Variants in CUL5 observed in about 807,000 individuals in gnomAD.
CUL5 encodes the protein cullin 5.
In CUL5, 26 loss-of-function variants were observed where a neutral mutation model predicts 108.8. The observed-to-expected ratio is 0.24, with a 90% CI of 0.18 to 0.33. The LOEUF is 0.33. Ranked by LOEUF, CUL5 falls within the 10% of genes least tolerant of loss-of-function variation. CUL5 has a pLI of 1.00. For missense variants in CUL5, 524 were observed against 909.2 expected, an observed-to-expected ratio of 0.58 and a Z score of 5.45; for synonymous variants, 334 against 298.0, an observed-to-expected ratio of 1.12 and a Z score of -1.25.
At chr11:108,080,338 C>T (rs1224366393) in intron 11 of CUL5, among the ~76,000 whole-genome samples, 3 of 152,112 alleles carry the variant, frequency 2.0e-5, no homozygotes, top group Non-Finnish European at 2.9e-5. Context: ...ATGCTCCTGC[C>T]TCAGCCTCCC....
rs969794595 is a variant in CUL5 at position 108,107,630 on chromosome 11, C to G, written c.*3246C>G. ...GCCACTACATACTGAGATGATAATG[C>G]TGTACAATTTTAAGTGGTAGCAGTT... On this transcript the variant is annotated 3_prime_UTR_variant, in exon 19 of 19. Transcript: ENST00000393094. 7.2e-5 allele frequency: 11 copies of G among 152,718 alleles called. No homozygotes were observed. The East Asian group carries it at 1.7e-3, about 24-fold the overall frequency. The allele number at this position is 152,718 out of a possible 1,614,324, so 9.5% of individuals were successfully genotyped here.
intron 2 of CUL5, among the ~76,000 whole-genome samples, chr11:108,042,667 C>A (rs1371130848): frequency 6.6e-6 from 1 of 152,174 alleles, no homozygotes; most frequent in Non-Finnish European, 1.5e-5. Context: ...CTCTACCTCT[C>A]ACTCACCCTT....
intron 11 of CUL5, among the ~76,000 whole-genome samples, chr11:108,083,256 A>T (rs1295824405): frequency 1.3e-5 from 2 of 152,194 alleles, no homozygotes; most frequent in African/African-American, 2.4e-5. Flanking sequence ...TATGCTGAAT[A>T]GCAGTTTGGC....
chr11:108,039,964 T>C (rs1262256258), intron 2 of CUL5, among the ~76,000 whole-genome samples: 4 of 152,326 alleles, frequency 2.6e-5, no homozygotes, highest in East Asian at 1.9e-4. Context: ...AAAATACATA[T>C]CATTTTATCA....
chr11:108,073,561 TAATC>T (rs1381061493), intron 10 of CUL5, 64 bp downstream of exon 10: 3 of 689,986 alleles, frequency 4.3e-6, no homozygotes, highest in Admixed American at 3.2e-5. Flanking sequence ...TTACTTCTAA[TAATC>T]AATTTGCATT....
Position 108,033,924 on chromosome 11 carries a change from C to T in CUL5, c.134+13C>T. 1 of 1,493,610 alleles carries T rather than the reference C, an allele frequency of 6.7e-7. No individual in the cohort carries two copies. The highest frequency in any genetic ancestry group is 9.3e-7 in the Non-Finnish European group (1 of 1,080,018). 92.5% of individuals were successfully genotyped at this position (1,493,610 alleles called of 1,614,324 possible). On this transcript the variant is annotated intron_variant, in intron 2 of 18. Transcript: ENST00000393094. ...TTGATCTGTTTTCGTAAGTACCCCACTAATTCTGTTTGCTAGCATAAAGGA... is the reference window on the plus strand; with the variant it reads ...TTGATCTGTTTTCGTAAGTACCCCATTAATTCTGTTTGCTAGCATAAAGGA...
Position 108,050,208 on chromosome 11 carries a change from G to A in CUL5, c.411+142G>A, listed in dbSNP as rs1273767716. 8.3e-6 allele frequency: 5 copies of A among 601,504 alleles called. No individual in the cohort carries two copies. In the East Asian group the frequency reaches 8.9e-5, roughly 11 times the overall value. 37.3% of individuals were successfully genotyped at this position (601,504 alleles called of 1,614,324 possible). On this transcript the variant is annotated intron_variant, in intron 4 of 18. Transcript: ENST00000393094. Reference sequence around the variant, plus strand: ...TTTCAGCTCTTAACTAGATTTTATTGAATAATATTCTTTTTTGTCTTTAGC... The same window carrying A: ...TTTCAGCTCTTAACTAGATTTTATTAAATAATATTCTTTTTTGTCTTTAGC...
chr11:108,087,738 G>A (rs1047398063), intron 11 of CUL5, among the ~76,000 whole-genome samples: 1 of 152,156 alleles, frequency 6.6e-6, no homozygotes, highest in Admixed American at 6.6e-5. Context: ...GCCGAGGCAG[G>A]TGGATCACCT....
intron 18 of CUL5, among the ~76,000 whole-genome samples, chr11:108,100,690 A>G (rs1305120590): frequency 6.6e-6 from 1 of 152,146 alleles, no homozygotes; most frequent in East Asian, 1.9e-4. Flanking sequence ...TTGGAGGAAA[A>G]GTAAGAAGAT....
chr11:108,050,082 T>A lies in CUL5; in HGVS notation c.411+16T>A. On this transcript the variant is annotated intron_variant, in intron 4 of 18. Coordinates refer to ENST00000393094, the MANE Select transcript of CUL5 (RefSeq NM_003478.6). The stretch of plus-strand genomic sequence containing the variant: ...TGTTCGAAAGGTAAGACTATTTTTC[T>A]CCTTGTTTTCCTAATATTCTTCAGA... 1 of 1,558,114 alleles carries A rather than the reference T, an allele frequency of 6.4e-7. No homozygotes were observed. Among genetic ancestry groups the A allele is most frequent in the Middle Eastern group, 2.0e-4 (1 of 4,948 alleles).
At chr11:108,075,842 C>G (rs1481322659) in intron 10 of CUL5, among the ~76,000 whole-genome samples, 1 of 152,054 alleles carries the variant, frequency 6.6e-6, no homozygotes, top group Non-Finnish European at 1.5e-5. Flanking sequence ...AAATCATGTT[C>G]TTTGAGAACT....
chr11:108,090,538 T>C (rs1015759154), intron 13 of CUL5, among the ~76,000 whole-genome samples: 2 of 152,114 alleles, frequency 1.3e-5, no homozygotes, highest in African/African-American at 4.8e-5. Flanking sequence ...TTATTATATC[T>C]TTAAGGTATT....
chr11:108,079,115 T>C (rs1457973085), intron 11 of CUL5, among the ~76,000 whole-genome samples: 9 of 152,186 alleles, frequency 5.9e-5, no homozygotes, highest in Non-Finnish European at 1.3e-4. Context: ...AATTTATTTA[T>C]TTATTCGAGA....
Position 108,033,092 on chromosome 11 carries a change from A to G in CUL5, c.25-710A>G, listed in dbSNP as rs36034326. ...CATAGTTATGATTTGTTATAGGGAA[A>G]GGATTCAGATAAAATCAGCCAAAGG... On this transcript the variant is annotated intron_variant, in intron 1 of 18. Transcript: ENST00000393094. 8.4e-3 allele frequency among the ~76,000 whole-genome samples: 1,276 copies of G among 152,332 alleles called. 8 individuals are homozygous for G. The highest frequency in any genetic ancestry group is 0.014 in the Non-Finnish European group (981 of 68,024).
intron 5 of CUL5, among the ~76,000 whole-genome samples, chr11:108,054,167 G>T (rs149897242): frequency 1.3e-3 from 205 of 152,254 alleles, no homozygotes; most frequent in Non-Finnish European, 2.1e-3. Flanking sequence ...GTAGACACAT[G>T]ATTTTACTAT....
intron 11 of CUL5, among the ~76,000 whole-genome samples, chr11:108,079,130 G>T (rs1230778294): frequency 1.3e-5 from 2 of 151,934 alleles, no homozygotes; most frequent in African/African-American, 2.4e-5. Context: ...TCGAGACAGG[G>T]TCTCACTCTG....
intron 2 of CUL5, 130 bp downstream of exon 2, chr11:108,034,041 G>T: frequency 1.6e-6 from 1 of 612,096 alleles, no homozygotes; most frequent in Admixed American, 3.1e-5. Flanking sequence ...TTACATTGAG[G>T]GTCTCCAAGA....
intron 5 of CUL5, among the ~76,000 whole-genome samples, chr11:108,054,433 T>TATA (rs1205773815): frequency 6.6e-6 from 1 of 152,246 alleles, no homozygotes; most frequent in African/African-American, 2.4e-5. Context: ...AAAAATAGTC[T>TATA]ATATTATCTG....
In CUL5 at chr11:108,054,656, G is replaced by C. The variant is rs776236248; in HGVS notation, c.563G>C (p.Cys188Ser). 12 of 1,580,448 alleles carry C rather than the reference G, an allele frequency of 7.6e-6. No homozygotes were observed. The highest frequency in any genetic ancestry group is 1.1e-5 in the South Asian group (1 of 88,318). ...ATTTTCTGTTTTTCAGTTAACCTTT[G>C]TTCTAATCCTGAGGATAAACTTCAA... ...IGVRESYVNL[C>S]SNPEDKLQIY... The change falls in exon 6 of 19, where the codon TGT becomes TCT. Residue 188 changes from cysteine to serine, a missense_variant. This residue lies in a region of CUL5 where 170 missense variants were observed against 305.1 expected (regional missense o/e 0.56). Coordinates refer to ENST00000393094, the MANE Select transcript of CUL5 (RefSeq NM_003478.6).
Sources: allele counts gnomAD v4.1 joint callset (sites outside exome capture counted in the v4.1 genomes callset), GRCh38; gene constraint gnomAD v4.1.1; regional missense constraint gnomAD v4.1.1; transcripts MANE v1.5; gene names NCBI Gene and HGNC (gene_info 2026-07-23, HGNC 2026-07-21).